Variants in SNN observed in about 807,000 individuals in gnomAD.
SNN encodes stannin, also known as AG8_1.
A neutral mutation model predicts 5.3 loss-of-function variants in SNN; 5 were observed. That is an observed-to-expected ratio of 0.94 (90% CI 0.49 to 1.97). The LOEUF (loss-of-function observed/expected upper bound fraction) is 1.97. Ranked by LOEUF, SNN falls within the 30% of genes most tolerant of loss-of-function variation. The pLI, the probability that SNN is intolerant of heterozygous loss-of-function variation, is 0.01. For missense variants in SNN, 127 were observed against 121.6 expected, an observed-to-expected ratio of 1.04 and a Z score of -0.21; for synonymous variants, 67 against 52.1, an observed-to-expected ratio of 1.29 and a Z score of -1.24.
In SNN at chr16:11,672,878, G is replaced by T. The variant is rs900425897; in HGVS notation, c.-85-3097G>T. On this transcript the variant is annotated intron_variant, in intron 1 of 1. Transcript: ENST00000329565. This position sits in a 1 kb window ranked among gnomAD's most constrained non-coding sequence, Gnocchi z 6.0. ...TGAACTGGGGCCCTTGAACTCAGGT[G>T]CCTCCTGGCCTGCCCACCTGGCTTT... Among the ~76,000 whole-genome samples the T allele has an allele frequency of 6.6e-6, 1 of 152,186 alleles. No individual in the cohort carries two copies. Among genetic ancestry groups the T allele is most frequent in the Non-Finnish European group, 1.5e-5 (1 of 68,032 alleles).
At position 11,678,302 on chromosome 16, in the gene SNN, G is replaced by C. The variant is rs1567281629; in HGVS notation, c.*1976G>C. 6.0e-6 allele frequency: 1 copy of C among 167,120 alleles called. No homozygotes were observed. The highest frequency in any genetic ancestry group is 1.5e-5 in the Non-Finnish European group (1 of 68,154). The allele number at this position is 167,120 out of a possible 1,614,324, so 10.4% of individuals were successfully genotyped here. On this transcript the variant is annotated 3_prime_UTR_variant, in exon 2 of 2. Coordinates refer to ENST00000329565, the MANE Select transcript of SNN (RefSeq NM_003498.6). Reference sequence around the variant, plus strand: ...GGTGAGTGAGAAAAGGCTGGGGCGTGTGATCCATCCCCTCACGTTTCAGAA... The same window carrying C: ...GGTGAGTGAGAAAAGGCTGGGGCGTCTGATCCATCCCCTCACGTTTCAGAA...
intron 1 of SNN, among the ~76,000 whole-genome samples, chr16:11,669,233 G>T (rs1199438110): frequency 1.3e-5 from 2 of 152,138 alleles, no homozygotes; most frequent in Admixed American, 6.5e-5. Flanking sequence ...TGCGCGGAGC[G>T]CGCCTGGCAC....
At position 11,678,494 on chromosome 16, in the gene SNN, G is replaced by GT. The variant is rs2050327408; in HGVS notation, c.*2172dup. 1 of 167,122 alleles carries GT rather than the reference G, an allele frequency of 6.0e-6. No homozygotes were observed. Among genetic ancestry groups the GT allele is most frequent in the Non-Finnish European group, 1.5e-5 (1 of 68,184 alleles). 10.4% of individuals were successfully genotyped at this position (167,122 alleles called of 1,614,324 possible). On this transcript the variant is annotated 3_prime_UTR_variant, in exon 2 of 2. Transcript: ENST00000329565. ...GCTCGATTGTCAGCCTTGGCCTGGG[G>GT]TTTTGACCTTGCCAGTGAAGTTTCG...
In SNN at chr16:11,671,683, C is replaced by A. The variant is rs983249350; in HGVS notation, c.-86+3143C>A. Among the ~76,000 whole-genome samples the A allele has an allele frequency of 6.6e-6, 1 of 152,208 alleles. No homozygotes were observed. The highest frequency in any genetic ancestry group is 2.4e-5 in the African/African-American group (1 of 41,444). On this transcript the variant is annotated intron_variant, in intron 1 of 1. Coordinates refer to ENST00000329565, the MANE Select transcript of SNN (RefSeq NM_003498.6). The surrounding 1 kb of genome is among the most constrained non-coding windows in gnomAD (Gnocchi z 4.7). ...CATCTCCCCAACCCAAGCTGTGGCCCGTCCCTGTCCCCTGCATCCTGTGGG... is the reference window on the plus strand; with the variant it reads ...CATCTCCCCAACCCAAGCTGTGGCCAGTCCCTGTCCCCTGCATCCTGTGGG...
chr16:11,674,959 C>CGAAGCTT (rs2050288990), intron 1 of SNN, among the ~76,000 whole-genome samples: 1 of 152,184 alleles, frequency 6.6e-6, no homozygotes, highest in Non-Finnish European at 1.5e-5. Context: ...CTGTCTCACC[C>CGAAGCTT]TCCCTGCCTC....
chr16:11,675,093 G>A (rs1287435436), intron 1 of SNN, among the ~76,000 whole-genome samples: 1 of 152,204 alleles, frequency 6.6e-6, no homozygotes, highest in Non-Finnish European at 1.5e-5. Context: ...CAGATGGTGT[G>A]CCGCGTTCCA....
Position 11,671,294 on chromosome 16 carries a change from G to A in SNN, c.-86+2754G>A, listed in dbSNP as rs1269481495. ...CTTGGCAGAGGATGGCAAGACTGAA[G>A]GCACATGGAGCAGGAGGGTGTGTGT... On this transcript the variant is annotated intron_variant, in intron 1 of 1. Coordinates refer to ENST00000329565, the MANE Select transcript of SNN (RefSeq NM_003498.6). The surrounding 1 kb of genome is among the most constrained non-coding windows in gnomAD (Gnocchi z 4.7). 6.6e-6 allele frequency among the ~76,000 whole-genome samples: 1 copy of A among 152,176 alleles called. No homozygotes were observed. The highest frequency in any genetic ancestry group is 6.5e-5 in the Admixed American group (1 of 15,274).
rs1332245490 is a variant in SNN, at chr16:11,672,216, A to T, written c.-86+3676A>T. On this transcript the variant is annotated intron_variant, in intron 1 of 1. Transcript: ENST00000329565. This position sits in a 1 kb window ranked among gnomAD's most constrained non-coding sequence, Gnocchi z 6.0. ...GGGCAGGGGTACAGCTGTGGGCGGG[A>T]CAGACGGTGCCCTCCTTGGACTGCC... Among the ~76,000 whole-genome samples the T allele has an allele frequency of 6.6e-6, 1 of 152,140 alleles. No homozygotes were observed. The highest frequency in any genetic ancestry group is 2.4e-5 in the African/African-American group (1 of 41,430).
In SNN at chr16:11,672,662, C is replaced by T. The variant is rs1244697706; in HGVS notation, c.-85-3313C>T. Among the ~76,000 whole-genome samples, 4 of 152,186 alleles carry T rather than the reference C, an allele frequency of 2.6e-5. No individual in the cohort carries two copies. Among genetic ancestry groups the T allele is most frequent in the African/African-American group, 7.2e-5 (3 of 41,450 alleles). ...CGGGAGGGCCGGACCACAGGCCAGG[C>T]GTGACTGTGGCTCAGTCACTGGGCT... On this transcript the variant is annotated intron_variant, in intron 1 of 1. Transcript: ENST00000329565. The surrounding 1 kb of genome is among the most constrained non-coding windows in gnomAD (Gnocchi z 6.0).
Position 11,668,460 on chromosome 16 carries a change from C to A in SNN, c.-166C>A. 1 of 146,390 alleles carries A rather than the reference C, an allele frequency of 6.8e-6. No homozygotes were observed. The highest frequency in any genetic ancestry group is 2.1e-4 in the South Asian group (1 of 4,812). The allele number at this position is 146,390 out of a possible 1,614,324, so 9.1% of individuals were successfully genotyped here. On this transcript the variant is annotated 5_prime_UTR_variant, in exon 1 of 2. Coordinates refer to ENST00000329565, the MANE Select transcript of SNN (RefSeq NM_003498.6). This position sits in a 1 kb window ranked among gnomAD's most constrained non-coding sequence, Gnocchi z 6.8. ...GCGCGGGGCTCCTGCGTCCCGAGTG[C>A]GCGGCGGCCGGACCGGGCGGGCGGA...
At position 11,668,830 on chromosome 16, in the gene SNN, C is replaced by G. The variant is rs1022432080; in HGVS notation, c.-86+290C>G. On this transcript the variant is annotated intron_variant, in intron 1 of 1. Coordinates refer to ENST00000329565, the MANE Select transcript of SNN (RefSeq NM_003498.6). This position sits in a 1 kb window ranked among gnomAD's most constrained non-coding sequence, Gnocchi z 6.8. The stretch of plus-strand genomic sequence containing the variant: ...GGGGATCGCGGGGCGCTCGCCCCCG[C>G]CCGTGCAGCCCCCGCCCGTCCTCAG... Among the ~76,000 whole-genome samples, 3 of 151,458 alleles carry G rather than the reference C, an allele frequency of 2.0e-5. No individual in the cohort carries two copies. Among genetic ancestry groups the G allele is most frequent in the Admixed American group, 2.0e-4 (3 of 15,248 alleles).
In SNN at chr16:11,676,089, G is replaced by A. The variant is rs769107973; in HGVS notation, c.30G>A (p.Thr10=). 38 of 1,611,482 alleles carry A rather than the reference G, an allele frequency of 2.4e-5. No homozygotes were observed. The highest frequency in any genetic ancestry group is 5.5e-5 in the South Asian group (5 of 90,942). The change falls in exon 2 of 2, where the codon ACG becomes ACA. Residue 10 remains threonine, a synonymous_variant. Transcript: ENST00000329565. ...CTATTATGGACCACAGCCCCACCAC[G>A]GGCGTGGTCACAGTCATCGTCATCC... MSIMDHSPT[T]GVVTVIVILI...
In SNN at chr16:11,668,789, G is replaced by C. The variant is rs1008892543; in HGVS notation, c.-86+249G>C. The stretch of plus-strand genomic sequence containing the variant: ...ATCCGGACAAAGGAGGCGGCGGGGG[G>C]CGGAGGCCGCTTTGTGGGGATCGCG... On this transcript the variant is annotated intron_variant, in intron 1 of 1. Transcript: ENST00000329565. This position sits in a 1 kb window ranked among gnomAD's most constrained non-coding sequence, Gnocchi z 6.8. Among the ~76,000 whole-genome samples, 1 of 151,378 alleles carries C rather than the reference G, an allele frequency of 6.6e-6. No homozygotes were observed. Among genetic ancestry groups the C allele is most frequent in the African/African-American group, 2.4e-5 (1 of 41,290 alleles).
chr16:11,670,219 T>TGGGC (rs2050258345), intron 1 of SNN, among the ~76,000 whole-genome samples: 1 of 150,758 alleles, frequency 6.6e-6, no homozygotes, highest in Non-Finnish European at 1.5e-5. Context: ...GGTGGCTTTA[T>TGGGC]GGGGGGAGGC....
intron 1 of SNN, among the ~76,000 whole-genome samples, chr16:11,673,252 A>T (rs749307258): frequency 6.6e-6 from 1 of 152,016 alleles, no homozygotes; most frequent in African/African-American, 2.4e-5. Context: ...AGAACAGCTA[A>T]GTGGGGTTGT....
intron 1 of SNN, among the ~76,000 whole-genome samples, chr16:11,673,478 G>A (rs76747804): frequency 3.9e-5 from 6 of 152,344 alleles, no homozygotes; most frequent in East Asian, 3.9e-4. Context: ...GGTATTAACC[G>A]GGTCAGGGTG....
At position 11,676,194 on chromosome 16, in the gene SNN, G is replaced by A; in HGVS notation, c.135G>A (p.Glu45=). 1.9e-6 allele frequency: 3 copies of A among 1,614,228 alleles called. No homozygotes were observed. The highest frequency in any genetic ancestry group is 1.7e-6 in the Non-Finnish European group (2 of 1,180,036). ...YLRLQRISQS[E]DEESIVGDGE... Reference sequence around the variant, plus strand: ...GGCTGCAGCGCATCAGCCAGTCAGAGGACGAGGAGAGCATCGTGGGGGATG... The same window carrying A: ...GGCTGCAGCGCATCAGCCAGTCAGAAGACGAGGAGAGCATCGTGGGGGATG... The change falls in exon 2 of 2, where the codon GAG becomes GAA. Residue 45 remains glutamate, a synonymous_variant. Coordinates refer to ENST00000329565, the MANE Select transcript of SNN (RefSeq NM_003498.6).
At position 11,676,503 on chromosome 16, in the gene SNN, C is replaced by G. The variant is rs980453144; in HGVS notation, c.*177C>G. 9.0e-6 allele frequency: 7 copies of G among 778,024 alleles called. No homozygotes were observed. The African/African-American group carries it at 1.2e-4, about 14-fold the overall frequency. The allele number at this position is 778,024 out of a possible 1,614,324, so 48.2% of individuals were successfully genotyped here. ...GGGACCTGGCTGTCCTGGGCTTCCC[C>G]TCGGCCTCCAGGTGAGGCTGCCCAT... On this transcript the variant is annotated 3_prime_UTR_variant, in exon 2 of 2. Coordinates refer to ENST00000329565, the MANE Select transcript of SNN (RefSeq NM_003498.6).
Position 11,676,600 on chromosome 16 carries a change from G to A in SNN, c.*274G>A. The A allele has an allele frequency of 2.1e-6, 1 of 481,022 alleles. No individual in the cohort carries two copies. The highest frequency in any genetic ancestry group is 3.9e-6 in the Non-Finnish European group (1 of 258,062). 29.8% of individuals were successfully genotyped at this position (481,022 alleles called of 1,614,324 possible). ...AGCGCTTTTGTTACTTGAATGTCTA[G>A]CTGAGCCTGTTTTTGATGGAGCTAC... is the stretch of plus-strand genomic sequence containing the variant. On this transcript the variant is annotated 3_prime_UTR_variant, in exon 2 of 2. Coordinates refer to ENST00000329565, the MANE Select transcript of SNN (RefSeq NM_003498.6).
Sources: allele counts gnomAD v4.1 joint callset (sites outside exome capture counted in the v4.1 genomes callset), GRCh38; gene constraint gnomAD v4.1.1; non-coding constraint Gnocchi (gnomAD v3.1); transcripts MANE v1.5; gene names NCBI Gene and HGNC (gene_info 2026-07-23, HGNC 2026-07-21).